The following SERPINA9 variants were observed in gnomAD, a reference collection of about 807,000 sequenced individuals.
SERPINA9 encodes the protein serpin A9.
SERPINA9 carries 32 observed loss-of-function variants against 24.5 expected under a neutral mutation model. The observed-to-expected ratio is 1.30, with a 90% CI of 0.98 to 1.75. SERPINA9 has a LOEUF of 1.75. Among genes scored for constraint, SERPINA9 ranks in the 40% most tolerant of loss-of-function variants. The probability of loss-of-function intolerance (pLI) is 0.00; values close to 1 mark genes in which losing one functional copy is unlikely to be tolerated. For synonymous variants in SERPINA9, 233 were observed against 197.7 expected (o/e 1.18, Z -1.50); for missense variants, 594 against 497.1 (o/e 1.19, Z -1.85).
chr14:94,474,113 A>C (rs896936097), intron 1 of SERPINA9, among the ~76,000 whole-genome samples: 1 of 152,220 alleles, frequency 6.6e-6, no homozygotes, highest in African/African-American at 2.4e-5. Flanking sequence ...GGAAGAGGAC[A>C]TCAGCCACAT....
Position 94,467,210 on chromosome 14 carries a change from G to A in SERPINA9, c.801C>T (p.Ala267=), listed in dbSNP as rs374972207. The A allele has an allele frequency of 7.9e-5, 127 of 1,614,044 alleles. No homozygotes were observed. The highest frequency in any genetic ancestry group is 9.3e-5 in the Non-Finnish European group (110 of 1,180,040). The change falls in exon 3 of 5, where the codon GCC becomes GCT. Residue 267 remains alanine (A), a synonymous_variant. Transcript: ENST00000674397. ...TGCTAGGGAGGACAAAGAAGGCCAC[G>A]GCATCTCCCTTGTAATCCATCTGCA... ...FVLQMDYKGD[A]VAFFVLPSKG... is the part of the protein sequence containing the mutation.
chr14:94,465,144 C>T (rs1277067730), intron 3 of SERPINA9, among the ~76,000 whole-genome samples: 2 of 152,156 alleles, frequency 1.3e-5, no homozygotes, highest in Admixed American at 6.5e-5. Context: ...CAACAGGAGA[C>T]GTCCAGTAGC....
chr14:94,476,018 C>T (rs1899630034), intron 1 of SERPINA9, 118 bp downstream of exon 1: 1 of 1,490,274 alleles, frequency 6.7e-7, no homozygotes, highest in Non-Finnish European at 9.2e-7. Context: ...TGTCTAGGTT[C>T]TCATCTTATT....
At chr14:94,467,423 A>G in intron 2 of SERPINA9, 41 bp from the exon 3 acceptor site, 1 of 1,542,386 alleles carries the variant, frequency 6.5e-7, no homozygotes, top group Non-Finnish European at 8.8e-7. Flanking sequence ...GTCAAAGTAC[A>G]ATTAGTGAGG....
rs541074529 is a variant in SERPINA9 at position 94,472,589 on chromosome 14, T to C, written c.-17-2732A>G. ...ATGTACGCTTATTATGCAGGTACTA[T>C]AGGAGGTGTTGGGGCTACAATGAGG... On this transcript the variant is annotated intron_variant, in intron 1 of 4. Transcript: ENST00000674397. Among the ~76,000 whole-genome samples the C allele has an allele frequency of 7.9e-5, 12 of 152,020 alleles. No individual in the cohort carries two copies. In the South Asian group the frequency reaches 2.5e-3, roughly 32 times the overall value.
Position 94,462,796 on chromosome 14 carries a change from T to G in SERPINA9, c.*297A>C. 2.6e-6 allele frequency: 1 copy of G among 383,896 alleles called. No homozygotes were observed. Among genetic ancestry groups the G allele is most frequent in the Non-Finnish European group, 4.9e-6 (1 of 205,950 alleles). 23.8% of individuals were successfully genotyped at this position (383,896 alleles called of 1,614,324 possible). On this transcript the variant is annotated 3_prime_UTR_variant, in exon 5 of 5. Coordinates refer to ENST00000674397, the MANE Select transcript of SERPINA9 (RefSeq NM_175739.4). ...TGCAATAGAGGTGCCTAACCTGGGT[T>G]GGCGTATTTCCATTCCTGGGAGCCC...
intron 1 of SERPINA9, chr14:94,475,862 T>A (rs1281246376): frequency 5.9e-6 from 3 of 512,622 alleles, no homozygotes; most frequent in East Asian, 6.1e-5. Context: ...CCTATTTCAA[T>A]ACTCCTCCCC....
intron 3 of SERPINA9, among the ~76,000 whole-genome samples, chr14:94,466,061 T>G (rs551973247): frequency 6.6e-6 from 1 of 152,318 alleles, no homozygotes; most frequent in East Asian, 1.9e-4. Context: ...CCCTGTTTTC[T>G]CTGTGCTCCA....
chr14:94,465,406 G>C (rs1898954451), intron 3 of SERPINA9, among the ~76,000 whole-genome samples: 1 of 152,208 alleles, frequency 6.6e-6, no homozygotes, highest in Non-Finnish European at 1.5e-5. Context: ...GTTAACTTAA[G>C]TGTAAATTAC....
chr14:94,465,276 G>T (rs1017038349), intron 3 of SERPINA9, among the ~76,000 whole-genome samples: 7 of 152,156 alleles, frequency 4.6e-5, no homozygotes, highest in African/African-American at 1.7e-4. Context: ...CTGTGATGCT[G>T]GGAAGATCCT....
chr14:94,467,924 GAT>G, intron 2 of SERPINA9, among the ~76,000 whole-genome samples: 1 of 151,482 alleles, frequency 6.6e-6, no homozygotes, highest in South Asian at 2.1e-4. Flanking sequence ...TGGATGGATG[GAT>G]GGATGGATGG....
Position 94,464,727 on chromosome 14 carries a change from C to A in SERPINA9, c.1030G>T (p.Asp344Tyr). The change falls in exon 4 of 5, where the codon GAC becomes TAC. Residue 344 changes from aspartate to tyrosine, a missense_variant. Physicochemically the swap from Asp to Tyr is radical, Grantham distance 160. Transcript: ENST00000674397. Reference sequence around the variant, plus strand: ...CTCACTTTAGAAACCTGCAGGGAGTCTCTCTTTGCAATTCCAGAAAAATCA... The same window carrying A: ...CTCACTTTAGAAACCTGCAGGGAGTATCTCTTTGCAATTCCAGAAAAATCA... ...NADFSGIAKR[D>Y]SLQVSKATHK... 6.2e-7 allele frequency: 1 copy of A among 1,613,582 alleles called. No individual in the cohort carries two copies. The highest frequency in any genetic ancestry group is 8.5e-7 in the Non-Finnish European group (1 of 1,179,652).
Position 94,469,487 on chromosome 14 carries a change from A to G in SERPINA9, c.354T>C (p.Val118=). The G allele has an allele frequency of 6.2e-7, 1 of 1,614,176 alleles. No homozygotes were observed. Among genetic ancestry groups the G allele is most frequent in the Non-Finnish European group, 8.5e-7 (1 of 1,180,024 alleles). Residue 118 remains valine (V), a synonymous_variant, in exon 2 of 5, where the codon GTT becomes GTC. Coordinates refer to ENST00000674397, the MANE Select transcript of SERPINA9 (RefSeq NM_175739.4). ...SAIHQGFQHL[V]HSLTVPSKDL... is the part of the protein sequence containing the mutation. ...CTTTGCTGGGAACAGTCAGTGAGTG[A>G]ACCAGGTGCTGGAAGCCCTGGTGGA... is the stretch of plus-strand genomic sequence containing the variant.
At chr14:94,469,885 G>T (rs55683719) in intron 1 of SERPINA9, 28 bp from the exon 2 acceptor site, 197,295 of 1,491,524 alleles carry the variant, frequency 0.13, 13,760 homozygotes, top group Non-Finnish European at 0.14. Context: ...ACCATTGAGG[G>T]GGTAAACTGA....
At chr14:94,475,668 T>A (rs908613761) in intron 1 of SERPINA9, among the ~76,000 whole-genome samples, 2 of 152,116 alleles carry the variant, frequency 1.3e-5, no homozygotes, top group African/African-American at 4.8e-5. Context: ...CCTTAGAAAG[T>A]ATCTCTTCTC....
In SERPINA9 at chr14:94,462,941, G is replaced by T. The variant is rs1898808283; in HGVS notation, c.*152C>A. 3 of 659,822 alleles carry T rather than the reference G, an allele frequency of 4.5e-6. No homozygotes were observed. Among genetic ancestry groups the T allele is most frequent in the Admixed American group, 4.7e-5 (2 of 42,960 alleles). 40.9% of individuals were successfully genotyped at this position (659,822 alleles called of 1,614,324 possible). A position where few individuals can be genotyped will look rare whatever the true frequency, so the allele number is the denominator to read the frequency against. On this transcript the variant is annotated 3_prime_UTR_variant, in exon 5 of 5. Coordinates refer to ENST00000674397, the MANE Select transcript of SERPINA9 (RefSeq NM_175739.4). ...TTGGCTTGTGACTGGGGTCCCTGTT[G>T]ATGGTTTGGTGATTGAGCCTTGGAA...
chr14:94,470,593 G>A (rs1235625718), intron 1 of SERPINA9, among the ~76,000 whole-genome samples: 2 of 152,166 alleles, frequency 1.3e-5, no homozygotes, highest in Non-Finnish European at 2.9e-5. Flanking sequence ...TGACATTCGT[G>A]GTGGACAAGT....
Position 94,469,318 on chromosome 14 carries a change from T to C in SERPINA9, c.523A>G (p.Ile175Val). 6.2e-7 allele frequency: 1 copy of C among 1,614,202 alleles called. No homozygotes were observed. Among genetic ancestry groups the C allele is most frequent in the Non-Finnish European group, 8.5e-7 (1 of 1,180,028 alleles). The change falls in exon 2 of 5, where the codon ATC (isoleucine) becomes GTC (valine). Residue 175 changes from isoleucine to valine, a missense_variant. By Grantham distance (29) the Ile-to-Val change is conservative. Transcript: ENST00000674397. ...FSNPSIAQARINSHVKKKTQG... is the reference protein window; with the variant it reads ...FSNPSIAQARVNSHVKKKTQG... Reference sequence around the variant, plus strand: ...GTCTTCTTTTTCACATGGCTGTTGATCCTCGCCTGGGCAATGGAGGGGTTG... The same window carrying C: ...GTCTTCTTTTTCACATGGCTGTTGACCCTCGCCTGGGCAATGGAGGGGTTG...
At position 94,467,209 on chromosome 14, in the gene SERPINA9, C is replaced by T. The variant is rs372621576; in HGVS notation, c.802G>A (p.Val268Met). The T allele has an allele frequency of 1.6e-4, 258 of 1,614,214 alleles. 1 individual carries two copies. Among genetic ancestry groups the T allele is most frequent in the South Asian group, 1.0e-3 (91 of 91,088 alleles). ...TTGCTAGGGAGGACAAAGAAGGCCACGGCATCTCCCTTGTAATCCATCTGC... is the reference window on the plus strand; with the variant it reads ...TTGCTAGGGAGGACAAAGAAGGCCATGGCATCTCCCTTGTAATCCATCTGC... ...VLQMDYKGDAVAFFVLPSKGK... is the reference protein window; with the variant it reads ...VLQMDYKGDAMAFFVLPSKGK... The change falls in exon 3 of 5, where the codon GTG becomes ATG. Residue 268 changes from valine (V) to methionine (M), a missense_variant. By Grantham distance (21) the Val-to-Met change is conservative. Transcript: ENST00000674397.
Sources: allele counts gnomAD v4.1 joint callset (sites outside exome capture counted in the v4.1 genomes callset), GRCh38; gene constraint gnomAD v4.1.1; transcripts MANE v1.5; gene names NCBI Gene and HGNC (gene_info 2026-07-23, HGNC 2026-07-21).